Variants in NEGR1 observed in about 807,000 individuals in gnomAD.
NEGR1 encodes the protein neuronal growth regulator 1.
NEGR1 carries 10 observed loss-of-function variants against 40.9 expected under a neutral mutation model. That is an observed-to-expected ratio of 0.24 (90% confidence interval 0.15 to 0.42). The LOEUF is 0.42. Among genes scored for constraint, NEGR1 ranks in the 10% least tolerant of loss-of-function variants. NEGR1 has a pLI of 1.00. For missense variants in NEGR1, 352 were observed against 438.9 expected (o/e 0.80, Z 1.77); for synonymous variants, 185 against 166.8 (o/e 1.11, Z -0.84).
intron 1 of NEGR1, among the ~76,000 whole-genome samples, chr1:72,273,542 T>C (rs2051061): frequency 0.098 from 14,902 of 151,926 alleles, 2,478 homozygotes; most frequent in African/African-American, 0.34. Flanking sequence ...CAAACTTTTC[T>C]GCTTAAACCG....
intron 3 of NEGR1, among the ~76,000 whole-genome samples, chr1:71,749,995 T>C (rs1570294397): frequency 1.3e-5 from 2 of 149,498 alleles, no homozygotes; most frequent in East Asian, 2.0e-4. Context: ...TTTCTTTTTT[T>C]TTTTTTTTTG....
intron 2 of NEGR1, among the ~76,000 whole-genome samples, chr1:71,872,053 C>A (rs79408489): frequency 4.9e-4 from 75 of 152,144 alleles, no homozygotes; most frequent in African/African-American, 1.7e-3. Context: ...CTAAATAATA[C>A]AATGGAATAA....
intron 2 of NEGR1, among the ~76,000 whole-genome samples, chr1:71,819,162 C>T (rs1411624228): frequency 6.6e-6 from 1 of 151,946 alleles, no homozygotes; most frequent in Non-Finnish European, 1.5e-5. Context: ...TTATTATCTT[C>T]TCATGGTGAT....
intron 6 of NEGR1, among the ~76,000 whole-genome samples, chr1:71,580,292 C>G (rs578078914): frequency 7.0e-6 from 1 of 142,752 alleles, no homozygotes; most frequent in Non-Finnish European, 1.5e-5. Context: ...GAACATCACA[C>G]TCTGGAGACT....
chr1:72,111,131 C>T (rs546546655), intron 1 of NEGR1, among the ~76,000 whole-genome samples: 1 of 151,100 alleles, frequency 6.6e-6, no homozygotes, highest in Admixed American at 6.6e-5. Context: ...TACACACACA[C>T]ACACATGCAG....
intron 1 of NEGR1, among the ~76,000 whole-genome samples, chr1:72,188,567 A>T (rs1652697560): frequency 6.6e-6 from 1 of 151,484 alleles, no homozygotes; most frequent in Non-Finnish European, 1.5e-5. Context: ...AGTGCTTATA[A>T]CCTTCTGCTT....
rs546000154 is a variant in NEGR1 at position 72,046,934 on chromosome 1, G to C, written c.177-111623C>G. Among the ~76,000 whole-genome samples the C allele has an allele frequency of 8.6e-5, 13 of 151,722 alleles. No homozygotes were observed. In the South Asian group the frequency reaches 2.7e-3, roughly 31 times the overall value. ...TGCTATTTCACAGGCTGTTGGGGAA[G>C]TAATCTGTGTGACCTATAAACATCC... On this transcript the variant is annotated intron_variant, in intron 1 of 6. Coordinates refer to ENST00000357731, the MANE Select transcript of NEGR1 (RefSeq NM_173808.3).
At chr1:71,931,139 G>A (rs559123023) in intron 2 of NEGR1, among the ~76,000 whole-genome samples, 1 of 152,222 alleles carries the variant, frequency 6.6e-6, no homozygotes, top group African/African-American at 2.4e-5. Flanking sequence ...TGTACCCTAA[G>A]GAAATTACAA....
rs902273104 is a variant in NEGR1 at position 72,216,436 on chromosome 1, T to C, written c.176+65883A>G. On this transcript the variant is annotated intron_variant, in intron 1 of 6. Transcript: ENST00000357731. ...ATATATGTATATCTATATACACACA[T>C]ATATATATATGTAGCTAGTGGAAAT... 1.0e-4 allele frequency among the ~76,000 whole-genome samples: 15 copies of C among 146,448 alleles called. No homozygotes were observed. In the East Asian group the frequency reaches 1.6e-3, roughly 15 times the overall value.
At chr1:71,748,079 T>C (rs1422968508) in intron 3 of NEGR1, among the ~76,000 whole-genome samples, 1 of 152,194 alleles carries the variant, frequency 6.6e-6, no homozygotes, top group African/African-American at 2.4e-5. Flanking sequence ...CAAGTGTAAC[T>C]TTCCTCATTT....
chr1:71,621,820 CTATCAT>C (rs1431360401), intron 4 of NEGR1, among the ~76,000 whole-genome samples: 4 of 151,742 alleles, frequency 2.6e-5, no homozygotes, highest in Non-Finnish European at 5.9e-5. Flanking sequence ...ATTTACTAAG[CTATCAT>C]TAGTCATTAT....
intron 2 of NEGR1, among the ~76,000 whole-genome samples, chr1:71,928,497 C>CACATATATATACACATAT (rs1557439490): frequency 7.4e-6 from 1 of 135,876 alleles, no homozygotes; most frequent in Non-Finnish European, 1.6e-5. Context: ...TATATATACA[C>CACATATATATACACATAT]ATATGTATAC....
Position 71,824,243 on chromosome 1 carries a change from T to C in NEGR1, c.410-47946A>G, listed in dbSNP as rs553737759. ...AGAATAGGGCAAAACCTAGTTAATT[T>C]TGATGCATTAGCCACTGCAATTTTC... On this transcript the variant is annotated intron_variant, in intron 2 of 6. Coordinates refer to ENST00000357731, the MANE Select transcript of NEGR1 (RefSeq NM_173808.3). 2.6e-5 allele frequency among the ~76,000 whole-genome samples: 4 copies of C among 152,106 alleles called. No homozygotes were observed. The South Asian group carries it at 8.3e-4, about 32-fold the overall frequency.
At chr1:71,757,519 G>A (rs1570305765) in intron 3 of NEGR1, among the ~76,000 whole-genome samples, 1 of 152,020 alleles carries the variant, frequency 6.6e-6, no homozygotes, top group South Asian at 2.1e-4. Context: ...AACCGCTTAG[G>A]AAGCTATAGC....
intron 3 of NEGR1, among the ~76,000 whole-genome samples, chr1:71,757,644 C>G (rs1655788610): frequency 6.6e-6 from 1 of 151,980 alleles, no homozygotes; most frequent in Non-Finnish European, 1.5e-5. Flanking sequence ...CTAATATATT[C>G]CATTTCTTGT....
rs1304593907 is a variant in NEGR1, at chr1:72,148,108, CTG to C, written c.176+134209_176+134210del. 1.1e-3 allele frequency among the ~76,000 whole-genome samples: 171 copies of C among 148,800 alleles called. 2 individuals carry two copies. In the South Asian group the frequency reaches 0.035, roughly 30 times the overall value. On this transcript the variant is annotated intron_variant, in intron 1 of 6. Transcript: ENST00000357731. ...ACTAGGCTGTACCACAGTAGAGACT[CTG>C]TGTAGGGGCTCAGACTCCACATTTC...
chr1:71,459,887 A>G (rs1646701664), intron 6 of NEGR1, among the ~76,000 whole-genome samples: 1 of 152,196 alleles, frequency 6.6e-6, no homozygotes, highest in Admixed American at 6.5e-5. Context: ...AATCCTTCTA[A>G]GAATACCCAA....
chr1:71,942,020 T>C (rs1645963673), intron 1 of NEGR1, among the ~76,000 whole-genome samples: 1 of 151,846 alleles, frequency 6.6e-6, no homozygotes, highest in East Asian at 1.9e-4. Context: ...CAATAAAACA[T>C]GTACATTTAT....
At chr1:71,485,178 G>A (rs1031125062) in intron 6 of NEGR1, among the ~76,000 whole-genome samples, 3 of 151,296 alleles carry the variant, frequency 2.0e-5, no homozygotes, top group South Asian at 2.1e-4. Context: ...AAAGAAAGGA[G>A]GAAAGGCAAA....
Sources: gnomAD v4.1 joint callset for allele counts (sites outside exome capture counted in the v4.1 genomes callset) on GRCh38, gnomAD v4.1.1 for gene constraint, MANE v1.5 for transcripts, NCBI Gene and HGNC (gene_info 2026-07-23, HGNC 2026-07-21) for gene names.